SLC29A3: variants seen among roughly 807,000 people sequenced by gnomAD.
The protein encoded by SLC29A3 is solute carrier family 29 member 3, also known as equilibrative nucleoside transporter 3.
SLC29A3 carries 18 observed loss-of-function variants against 25.4 expected under a neutral mutation model. That is an observed-to-expected ratio of 0.71 (90% confidence interval 0.49 to 1.05). SLC29A3 has a LOEUF of 1.05. Ranked by LOEUF, SLC29A3 falls within the 50% of genes least tolerant of loss-of-function variation. The pLI, the probability that SLC29A3 is intolerant of heterozygous loss-of-function variation, is 0.00. For missense variants in SLC29A3, 586 were observed against 609.0 expected, an observed-to-expected ratio of 0.96 and a Z score of 0.40; for synonymous variants, 258 against 267.1, an observed-to-expected ratio of 0.97 and a Z score of 0.33.
intron 2 of SLC29A3, among the ~76,000 whole-genome samples, chr10:71,334,993 T>C (rs1322368556): frequency 6.8e-6 from 1 of 147,334 alleles, no homozygotes; most frequent in African/African-American, 2.6e-5. Flanking sequence ...CCTAGAACAC[T>C]GGCATTCCCA....
intron 3 of SLC29A3, among the ~76,000 whole-genome samples, chr10:71,370,850 T>G (rs74470826): frequency 0.054 from 8,271 of 152,292 alleles, 268 homozygotes; most frequent in Middle Eastern, 0.082. Context: ...TACACTGATA[T>G]CATTTGTAAA....
chr10:71,354,656 C>T (rs1043791693), intron 4 of SLC29A3, among the ~76,000 whole-genome samples: 30 of 152,284 alleles, frequency 2.0e-4, no homozygotes, highest in Admixed American at 1.1e-3. Flanking sequence ...AGGCCATGCC[C>T]ACACGGACCC....
intron 3 of SLC29A3, among the ~76,000 whole-genome samples, chr10:71,350,315 G>A (rs961867343): frequency 5.0e-4 from 2 of 4,000 alleles, no homozygotes; most frequent in South Asian, 5.8e-3. Flanking sequence ...TCACACCTAC[G>A]TGTGTGTGTG....
chr10:71,319,352 G>A, intron 1 of SLC29A3, 42 bp downstream of exon 1: 1 of 623,114 alleles, frequency 1.6e-6, no homozygotes, highest in Non-Finnish European at 2.9e-6. Context: ...TACGGTCCCG[G>A]CCGCCCCCAG....
At chr10:71,355,626 C>T (rs2131843652) in intron 4 of SLC29A3, among the ~76,000 whole-genome samples, 1 of 152,296 alleles carries the variant, frequency 6.6e-6, no homozygotes, top group Non-Finnish European at 1.5e-5. Flanking sequence ...AGGACAGTCC[C>T]TGAGCCTCCT....
chr10:71,370,673 T>A (rs545757647), intron 3 of SLC29A3, among the ~76,000 whole-genome samples: 1 of 152,188 alleles, frequency 6.6e-6, no homozygotes, highest in Admixed American at 6.5e-5. Context: ...TAGCTGGGAC[T>A]ACAGGCATGT....
At chr10:71,323,471 G>A (rs756543902) in intron 2 of SLC29A3, among the ~76,000 whole-genome samples, 1 of 152,254 alleles carries the variant, frequency 6.6e-6, no homozygotes, top group African/African-American at 2.4e-5. Context: ...CAAGACGGCT[G>A]TTGTAAGTCC....
chr10:71,329,464 A>AAG (rs1276382720), intron 2 of SLC29A3, among the ~76,000 whole-genome samples: 6 of 151,936 alleles, frequency 3.9e-5, no homozygotes, highest in African/African-American at 1.2e-4. Context: ...TCTCAAAAAA[A>AAG]AAAAAAAAAG....
chr10:71,366,626 C>A (rs1020882183), downstream of SLC29A3, among the ~76,000 whole-genome samples: 2 of 142,432 alleles, frequency 1.4e-5, no homozygotes, highest in Non-Finnish European at 3.1e-5. Context: ...GAGCAAAGAC[C>A]CCTCATTCAG....
chr10:71,324,708 T>C (rs1005165880), intron 2 of SLC29A3, among the ~76,000 whole-genome samples: 17 of 152,252 alleles, frequency 1.1e-4, no homozygotes, highest in Non-Finnish European at 1.3e-4. Context: ...TGTGTGGATT[T>C]GGGTATAGGT....
intron 3 of SLC29A3, among the ~76,000 whole-genome samples, chr10:71,348,680 G>A (rs1007168998): frequency 3.3e-5 from 5 of 152,166 alleles, no homozygotes; most frequent in African/African-American, 1.2e-4. Context: ...GCTCCGGGCC[G>A]CCAAGGGTCC....
chr10:71,380,268 C>G (rs182561998), exon 5 of SLC29A3: 1 of 152,194 alleles, frequency 6.6e-6, no homozygotes, highest in Non-Finnish European at 1.5e-5. Context: ...CAATTTTTCT[C>G]CCTGCGATGT....
chr10:71,340,047 A>G (rs1846358479), intron 2 of SLC29A3, among the ~76,000 whole-genome samples: 1 of 152,234 alleles, frequency 6.6e-6, no homozygotes. Flanking sequence ...TGACCTGCAC[A>G]GAAGTGGCTG....
chr10:71,371,446 G>T (rs988393711), intron 3 of SLC29A3, among the ~76,000 whole-genome samples: 1 of 152,194 alleles, frequency 6.6e-6, no homozygotes, highest in African/African-American at 2.4e-5. Flanking sequence ...GAACCCCTGA[G>T]ATCATATGCA....
At chr10:71,343,861 C>G (rs898617811) in intron 2 of SLC29A3, among the ~76,000 whole-genome samples, 1 of 152,212 alleles carries the variant, frequency 6.6e-6, no homozygotes, top group Non-Finnish European at 1.5e-5. Context: ...TCAAACTTTT[C>G]TTTTCAGACA....
At chr10:71,374,583 CAAG>C (rs1325202791) in intron 3 of SLC29A3, among the ~76,000 whole-genome samples, 1 of 152,090 alleles carries the variant, frequency 6.6e-6, no homozygotes, top group Non-Finnish European at 1.5e-5. Flanking sequence ...CAGAGAACTA[CAAG>C]AAGAGTAATG....
chr10:71,354,475 C>A (rs12767108), intron 4 of SLC29A3, among the ~76,000 whole-genome samples: 18,030 of 152,220 alleles, frequency 0.12, 1,177 homozygotes, highest in South Asian at 0.2. Flanking sequence ...AAGGATCCTC[C>A]GTCAGACCAA....
intron 5 of SLC29A3, 119 bp from the exon 6 acceptor site, chr10:71,361,835 T>C: frequency 4.1e-6 from 5 of 1,209,996 alleles, no homozygotes; most frequent in Non-Finnish European, 5.9e-6. Flanking sequence ...GCTGTGGGCA[T>C]ACGGGGCTTG....
At chr10:71,353,617 C>T (rs893556958) in intron 4 of SLC29A3, among the ~76,000 whole-genome samples, 1 of 152,140 alleles carries the variant, frequency 6.6e-6, no homozygotes, top group Admixed American at 6.6e-5. Flanking sequence ...GAGTCTAAAC[C>T]GTGGTCACCA....
Sources: allele counts gnomAD v4.1 joint callset (sites outside exome capture counted in the v4.1 genomes callset), GRCh38; gene constraint gnomAD v4.1.1; transcripts MANE v1.5; gene names NCBI Gene and HGNC (gene_info 2026-07-23, HGNC 2026-07-21).